The following SPSB4 variants were observed in gnomAD, a reference collection of about 807,000 sequenced individuals.
The protein encoded by SPSB4 is splA/ryanodine receptor domain and SOCS box containing 4.
In SPSB4, 21 loss-of-function variants were observed where a neutral mutation model predicts 20.9. The observed-to-expected ratio is 1.01, with a 90% CI of 0.71 to 1.45. The LOEUF (loss-of-function observed/expected upper bound fraction) is 1.45. SPSB4 is among the 40% of genes most tolerant of loss of function. The pLI, the probability that SPSB4 is intolerant of heterozygous loss-of-function variation, is 0.00. For missense variants in SPSB4, 399 were observed against 399.2 expected, an observed-to-expected ratio of 1.00 and a Z score of 0.00; for synonymous variants, 207 against 183.8, an observed-to-expected ratio of 1.13 and a Z score of -1.02.
chr3:141,074,642 C>G (rs1026519173), intron 2 of SPSB4, among the ~76,000 whole-genome samples: 7 of 152,210 alleles, frequency 4.6e-5, no homozygotes, highest in African/African-American at 1.7e-4. Context: ...TCAAGTGTTT[C>G]TCTAAAAGGC....
rs1323174003 is a variant in SPSB4 at position 141,065,998 on chromosome 3, C to A, written c.-107C>A. On this transcript the variant is annotated 5_prime_UTR_variant, in exon 2 of 3. Coordinates refer to ENST00000310546, the MANE Select transcript of SPSB4 (RefSeq NM_080862.3). ...CCCGGTAGAGGCTGTGGAGGTCTAC[C>A]GTCCGGAAGCCTGGTTCCCAGCCCC... The A allele has an allele frequency of 3.8e-6, 4 of 1,059,636 alleles. No homozygotes were observed. Among genetic ancestry groups the A allele is most frequent in the Non-Finnish European group, 5.1e-6 (4 of 779,334 alleles). 65.6% of individuals were successfully genotyped at this position (1,059,636 alleles called of 1,614,324 possible).
intron 2 of SPSB4, among the ~76,000 whole-genome samples, chr3:141,121,113 A>G (rs1938960188): frequency 1.3e-5 from 2 of 151,796 alleles, no homozygotes; most frequent in South Asian, 2.1e-4. Context: ...CCTGGTGGTA[A>G]CAAAATCTCT....
intron 2 of SPSB4, among the ~76,000 whole-genome samples, chr3:141,110,155 C>T (rs1938773050): frequency 6.6e-6 from 1 of 152,174 alleles, no homozygotes; most frequent in Non-Finnish European, 1.5e-5. Flanking sequence ...CCAGAGGCCT[C>T]AGCCCTGTCC....
intron 2 of SPSB4, among the ~76,000 whole-genome samples, chr3:141,135,000 C>T (rs1939201935): frequency 6.6e-6 from 1 of 151,402 alleles, no homozygotes; most frequent in South Asian, 2.1e-4. Flanking sequence ...CACATGTAAT[C>T]ACCACTCAGA....
At chr3:141,118,674 G>A (rs772979881) in intron 2 of SPSB4, among the ~76,000 whole-genome samples, 2 of 152,308 alleles carry the variant, frequency 1.3e-5, no homozygotes, top group East Asian at 1.9e-4. Flanking sequence ...TGTATAAAGT[G>A]TAAGGAAGGG....
At chr3:141,134,030 C>CTTTTTTTTTTTTTTTTTTTT (rs1207127072) in intron 2 of SPSB4, among the ~76,000 whole-genome samples, 3 of 37,768 alleles carry the variant, frequency 7.9e-5, no homozygotes, top group African/African-American at 1.3e-4. Context: ...TTTTTTTTTT[C>CTTTTTTTTTTTTTTTTTTTT]TTTTCTTTTT....
At chr3:141,131,449 A>G (rs1024716894) in intron 2 of SPSB4, among the ~76,000 whole-genome samples, 2 of 152,070 alleles carry the variant, frequency 1.3e-5, no homozygotes, top group Non-Finnish European at 2.9e-5. Flanking sequence ...TAGAACCAGA[A>G]CTCAATTCAA....
rs1007322586 is a variant in SPSB4 at position 141,066,157 on chromosome 3, C to T, written c.53C>T (p.Ala18Val). 1.6e-5 allele frequency: 24 copies of T among 1,531,916 alleles called. No homozygotes were observed. The highest frequency in any genetic ancestry group is 2.8e-5 in the African/African-American group (2 of 70,632). 94.9% of individuals were successfully genotyped at this position (1,531,916 alleles called of 1,614,324 possible). Reference sequence around the variant, plus strand: ...AAGTCAGTGGAGGTGCGAGAGCCGGCGCTGCGGCCGGCCAAGCGGGAGCTG... The same window carrying T: ...AAGTCAGTGGAGGTGCGAGAGCCGGTGCTGCGGCCGGCCAAGCGGGAGCTG... ...SLKSVEVREPALRPAKRELRG... is the reference protein window; with the variant it reads ...SLKSVEVREPVLRPAKRELRG... The change falls in exon 2 of 3, where the codon GCG (alanine) becomes GTG (valine). Residue 18 changes from alanine to valine, a missense_variant. Physicochemically the swap from Ala to Val is moderately conservative, Grantham distance 64. Transcript: ENST00000310546.
chr3:141,147,452 G>C lies in SPSB4; in HGVS notation c.*183G>C. ...GGAAACGAAAGGTCTCTTGCCAACAGTATCTACTGCCCTCGAGGCAGCCCT... is the reference window on the plus strand; with the variant it reads ...GGAAACGAAAGGTCTCTTGCCAACACTATCTACTGCCCTCGAGGCAGCCCT... On this transcript the variant is annotated 3_prime_UTR_variant, in exon 3 of 3. Transcript: ENST00000310546. The C allele has an allele frequency of 1.0e-6, 1 of 1,000,626 alleles. No individual in the cohort carries two copies. Among genetic ancestry groups the C allele is most frequent in the South Asian group, 1.7e-5 (1 of 58,230 alleles). 62.0% of individuals were successfully genotyped at this position (1,000,626 alleles called of 1,614,324 possible).
chr3:141,108,695 TA>T (rs1324846897), intron 2 of SPSB4, among the ~76,000 whole-genome samples: 2 of 152,176 alleles, frequency 1.3e-5, no homozygotes, highest in African/African-American at 4.8e-5. Flanking sequence ...TGAGCATTAA[TA>T]AAGGGCTCTG....
At chr3:141,096,466 G>T (rs939741708) in intron 2 of SPSB4, among the ~76,000 whole-genome samples, 2 of 152,200 alleles carry the variant, frequency 1.3e-5, no homozygotes, top group Admixed American at 1.3e-4. Context: ...TGCCAGGACA[G>T]CTCTCCCTGT....
intron 1 of SPSB4, among the ~76,000 whole-genome samples, chr3:141,063,673 G>GGTTTGCCAT: frequency 6.6e-6 from 1 of 152,230 alleles, no homozygotes; most frequent in East Asian, 1.9e-4. Flanking sequence ...GAGTTTGCTT[G>GGTTTGCCAT]GTTTGCCATG....
intron 2 of SPSB4, among the ~76,000 whole-genome samples, chr3:141,137,915 G>A (rs1939255318): frequency 6.6e-6 from 1 of 152,140 alleles, no homozygotes; most frequent in Non-Finnish European, 1.5e-5. Flanking sequence ...AATGGTACCA[G>A]CTCCTCCTTG....
chr3:141,065,605 C>T (rs1029252200), intron 1 of SPSB4, among the ~76,000 whole-genome samples: 15 of 152,368 alleles, frequency 9.8e-5, no homozygotes, highest in Admixed American at 9.8e-4. Flanking sequence ...AACACAGACC[C>T]TGAAGCCAGA....
intron 1 of SPSB4, among the ~76,000 whole-genome samples, chr3:141,052,480 G>C (rs904531313): frequency 9.2e-5 from 14 of 152,316 alleles, no homozygotes; most frequent in African/African-American, 3.1e-4. Flanking sequence ...TTAGCTTTGC[G>C]AGCCCAAGCT....
chr3:141,141,139 G>A (rs947824313), intron 2 of SPSB4, among the ~76,000 whole-genome samples: 6 of 152,234 alleles, frequency 3.9e-5, no homozygotes, highest in Admixed American at 6.5e-5. Flanking sequence ...CCAGGTGCGG[G>A]ATATAATCTC....
Position 141,147,170 on chromosome 3 carries a change from C to A in SPSB4, c.723C>A (p.Cys241Ter). The A allele has an allele frequency of 6.2e-7, 1 of 1,614,224 alleles. No individual in the cohort carries two copies. Among genetic ancestry groups the A allele is most frequent in the Non-Finnish European group, 8.5e-7 (1 of 1,180,038 alleles). ...DPEPLPLMDL[C>*]RRSIRSALGR... Reference sequence around the variant, plus strand: ...AGCCCCTGCCACTGATGGACCTGTGCCGGAGATCCATCCGCTCGGCCCTGG... The same window carrying A: ...AGCCCCTGCCACTGATGGACCTGTGACGGAGATCCATCCGCTCGGCCCTGG... The change falls in exon 3 of 3, where the codon TGC becomes TGA. Residue 241 changes from cysteine to a stop codon, truncating the protein, a stop_gained. Transcript: ENST00000310546. LOFTEE classifies it high-confidence loss of function.
chr3:141,066,855 G>A, intron 2 of SPSB4, 57 bp downstream of exon 2: 1 of 1,471,100 alleles, frequency 6.8e-7, no homozygotes, highest in Non-Finnish European at 9.0e-7. Context: ...CCCTAGGGAA[G>A]CTGGGCAGGC....
At chr3:141,138,067 G>C (rs1287516149) in intron 2 of SPSB4, among the ~76,000 whole-genome samples, 1 of 152,220 alleles carries the variant, frequency 6.6e-6, no homozygotes, top group Non-Finnish European at 1.5e-5. Context: ...TCTTGGGAGA[G>C]TGTATGTGTC....
Sources: gnomAD v4.1 joint callset for allele counts (sites outside exome capture counted in the v4.1 genomes callset) on GRCh38, gnomAD v4.1.1 for gene constraint, MANE v1.5 for transcripts, NCBI Gene and HGNC (gene_info 2026-07-23, HGNC 2026-07-21) for gene names.